PAG1: variants seen among roughly 807,000 people sequenced by gnomAD.
The protein encoded by PAG1 is phosphoprotein membrane anchor with glycosphingolipid microdomains 1.
Under a neutral mutation model 31.7 loss-of-function variants are expected in PAG1, and 23 were observed. The ratio of observed to expected loss-of-function variants is 0.73; its 90% CI spans 0.52 to 1.03. The LOEUF is 1.03. PAG1 is among the 50% of genes least tolerant of loss of function. The pLI, the probability that PAG1 is intolerant of heterozygous loss-of-function variation, is 0.00. For synonymous variants in PAG1, 214 were observed against 210.3 expected, an observed-to-expected ratio of 1.02 and a Z score of -0.15; for missense variants, 473 against 540.7, an observed-to-expected ratio of 0.87 and a Z score of 1.24.
At position 81,026,552 on chromosome 8, in the gene PAG1, G is replaced by A. The variant is rs574452669; in HGVS notation, c.-81+3444C>T. Among the ~76,000 whole-genome samples the A allele has an allele frequency of 2.6e-5, 4 of 151,592 alleles. No homozygotes were observed. The South Asian group carries it at 8.5e-4, about 32-fold the overall frequency. On this transcript the variant is annotated intron_variant, in intron 3 of 8. Coordinates refer to ENST00000220597, the MANE Select transcript of PAG1 (RefSeq NM_018440.4). Reference sequence around the variant, plus strand: ...TGAGGCTGGTGCCCACACTAACTTAGCTGCCTGCAGGCTCTCCCAGCTTTC... The same window carrying A: ...TGAGGCTGGTGCCCACACTAACTTAACTGCCTGCAGGCTCTCCCAGCTTTC...
chr8:81,032,307 C>T (rs952023482), intron 2 of PAG1, among the ~76,000 whole-genome samples: 16 of 151,958 alleles, frequency 1.1e-4, no homozygotes, highest in African/African-American at 1.9e-4. Flanking sequence ...ATATGCAAAT[C>T]GTATGTGATA....
At chr8:81,001,420 C>T (rs2130589813) in intron 3 of PAG1, among the ~76,000 whole-genome samples, 1 of 152,312 alleles carries the variant, frequency 6.6e-6, no homozygotes, top group Non-Finnish European at 1.5e-5. Flanking sequence ...TTTGCTCTGT[C>T]CTCTCAAGTG....
intron 2 of PAG1, among the ~76,000 whole-genome samples, chr8:81,037,565 G>A (rs1362669157): frequency 6.6e-6 from 1 of 152,178 alleles, no homozygotes; most frequent in East Asian, 1.9e-4. Context: ...TTTAAGAGAA[G>A]CTCTATAGCA....
intron 2 of PAG1, among the ~76,000 whole-genome samples, chr8:81,036,124 C>G (rs980214848): frequency 6.6e-6 from 1 of 152,074 alleles, no homozygotes; most frequent in African/African-American, 2.4e-5. Flanking sequence ...TCAAGATGGT[C>G]CTAATTCTGT....
chr8:81,025,099 T>A (rs945377580), intron 3 of PAG1, among the ~76,000 whole-genome samples: 1 of 152,148 alleles, frequency 6.6e-6, no homozygotes, highest in African/African-American at 2.4e-5. Flanking sequence ...AGACCCCAAA[T>A]GTAGCTTATT....
chr8:81,061,514 C>G (rs2130925401), intron 2 of PAG1, among the ~76,000 whole-genome samples: 1 of 152,256 alleles, frequency 6.6e-6, no homozygotes, highest in African/African-American at 2.4e-5. Context: ...TACAGTACCA[C>G]AGATTCCAAA....
At chr8:81,008,369 G>T (rs917575298) in intron 3 of PAG1, among the ~76,000 whole-genome samples, 2 of 151,816 alleles carry the variant, frequency 1.3e-5, no homozygotes. Flanking sequence ...TTCCCTTTAC[G>T]AAGAACATAA....
rs954878012 is a variant in PAG1 at position 80,990,652 on chromosome 8, G to A, written c.177+827C>T. ...CCTGGACACTCTCAGGCTGTTCCTCGCCAGGGTGGATCCCTGAGGGCCTCA... is the reference window on the plus strand; with the variant it reads ...CCTGGACACTCTCAGGCTGTTCCTCACCAGGGTGGATCCCTGAGGGCCTCA... On this transcript the variant is annotated intron_variant, in intron 5 of 8. Coordinates refer to ENST00000220597, the MANE Select transcript of PAG1 (RefSeq NM_018440.4). The surrounding 1 kb of genome is among the most constrained non-coding windows in gnomAD (Gnocchi z 5.1). 4.6e-5 allele frequency among the ~76,000 whole-genome samples: 7 copies of A among 152,198 alleles called. No homozygotes were observed. The highest frequency in any genetic ancestry group is 6.5e-5 in the Admixed American group (1 of 15,282).
intron 3 of PAG1, among the ~76,000 whole-genome samples, chr8:81,020,611 G>A (rs1808147447): frequency 6.6e-6 from 1 of 152,178 alleles, no homozygotes; most frequent in South Asian, 2.1e-4. Flanking sequence ...ATGTGGAACT[G>A]TGATTCCATT....
rs116911883 is a variant in PAG1, at chr8:81,053,155, T to C, written c.-175+16957A>G. On this transcript the variant is annotated intron_variant, in intron 2 of 8. Coordinates refer to ENST00000220597, the MANE Select transcript of PAG1 (RefSeq NM_018440.4). ...TGAACATGAATGTATTATCTGAATATATTATTTGGATGAACAAGAAAAAAT... is the reference window on the plus strand; with the variant it reads ...TGAACATGAATGTATTATCTGAATACATTATTTGGATGAACAAGAAAAAAT... Among the ~76,000 whole-genome samples the C allele has an allele frequency of 8.3e-3, 1,266 of 152,328 alleles. 8 individuals are homozygous for C. The highest frequency in any genetic ancestry group is 0.032 in the South Asian group (156 of 4,828).
chr8:81,049,832 A>C (rs1808698113), intron 2 of PAG1, among the ~76,000 whole-genome samples: 1 of 152,178 alleles, frequency 6.6e-6, no homozygotes, highest in African/African-American at 2.4e-5. Flanking sequence ...GATATTACTG[A>C]GGACTAACAG....
chr8:81,092,854 A>T (rs923624979), intron 1 of PAG1, among the ~76,000 whole-genome samples: 1 of 152,216 alleles, frequency 6.6e-6, no homozygotes, highest in African/African-American at 2.4e-5. Flanking sequence ...TAACAGGAGA[A>T]ATTATATGAG....
intron 7 of PAG1, among the ~76,000 whole-genome samples, chr8:80,982,357 G>A (rs559416432): frequency 2.6e-5 from 4 of 152,070 alleles, no homozygotes; most frequent in East Asian, 3.9e-4. Flanking sequence ...TTGGCAGAGC[G>A]GCCCGCCACT....
chr8:81,078,392 A>G (rs1203389679), intron 1 of PAG1, among the ~76,000 whole-genome samples: 1 of 152,220 alleles, frequency 6.6e-6, no homozygotes, highest in Non-Finnish European at 1.5e-5. Context: ...CCTTCCTAAC[A>G]TATTATAAGT....
intron 6 of PAG1, 116 bp from the exon 7 acceptor site, chr8:80,985,493 C>T: frequency 9.5e-7 from 1 of 1,049,118 alleles, no homozygotes; most frequent in South Asian, 1.7e-5. Flanking sequence ...ATTTAAGTCT[C>T]AGGCACAAAT....
intron 7 of PAG1, among the ~76,000 whole-genome samples, chr8:80,983,250 T>A (rs1478689920): frequency 6.6e-6 from 1 of 152,310 alleles, no homozygotes; most frequent in Non-Finnish European, 1.5e-5. Flanking sequence ...CTCACCCCCT[T>A]GGATCCTTTA....
intron 1 of PAG1, among the ~76,000 whole-genome samples, chr8:81,087,621 T>C (rs1224125054): frequency 3.3e-5 from 5 of 152,202 alleles, no homozygotes; most frequent in African/African-American, 1.2e-4. Flanking sequence ...AGATGCAACA[T>C]ACTGTAATCT....
Position 81,100,946 on chromosome 8 carries a change from G to A in PAG1, c.-234+10645C>T, listed in dbSNP as rs369111400. Among the ~76,000 whole-genome samples the A allele has an allele frequency of 6.6e-5, 10 of 152,336 alleles. 1 individual carries two copies. The highest frequency in any genetic ancestry group is 3.3e-4 in the Admixed American group (5 of 15,308). On this transcript the variant is annotated intron_variant, in intron 1 of 8. Coordinates refer to ENST00000220597, the MANE Select transcript of PAG1 (RefSeq NM_018440.4). Reference sequence around the variant, plus strand: ...TGAAAGAAGCATGCTTGTTGCCAGCGCTGCGCTGTTCATTATGAATTGTAT... The same window carrying A: ...TGAAAGAAGCATGCTTGTTGCCAGCACTGCGCTGTTCATTATGAATTGTAT...
At chr8:81,049,511 TA>T (rs1808692737) in intron 2 of PAG1, among the ~76,000 whole-genome samples, 1 of 152,196 alleles carries the variant, frequency 6.6e-6, no homozygotes, top group Non-Finnish European at 1.5e-5. Flanking sequence ...ATATAGGGTT[TA>T]AAAAATGCTA....
Sources: gnomAD v4.1 joint callset for allele counts (sites outside exome capture counted in the v4.1 genomes callset) on GRCh38, gnomAD v4.1.1 for gene constraint, Gnocchi (gnomAD v3.1) non-coding constraint, MANE v1.5 for transcripts, NCBI Gene and HGNC (gene_info 2026-07-23, HGNC 2026-07-21) for gene names.